Variants in DISP1 observed in about 807,000 individuals in gnomAD.
The protein encoded by DISP1 is protein dispatched homolog 1.
DISP1 carries 30 observed loss-of-function variants against 37.3 expected under a neutral mutation model. The observed-to-expected ratio is 0.80, with a 90% CI of 0.60 to 1.09. The LOEUF (loss-of-function observed/expected upper bound fraction) is 1.09. Among genes scored for constraint, DISP1 ranks in the 50% least tolerant of loss-of-function variants. The pLI is 0.00. For synonymous variants in DISP1, 634 were observed against 690.2 expected (o/e 0.92, Z 1.28); for missense variants, 1,598 against 1,879.5 (o/e 0.85, Z 2.77).
chr1:222,911,251 A>G (rs1407439513), intron 1 of DISP1, among the ~76,000 whole-genome samples: 1 of 152,196 alleles, frequency 6.6e-6, no homozygotes, highest in Non-Finnish European at 1.5e-5. Flanking sequence ...ATGAAGGCCA[A>G]TTAGATATTA....
At chr1:222,823,551 A>G (rs1202777835) in intron 1 of DISP1, among the ~76,000 whole-genome samples, 1 of 152,160 alleles carries the variant, frequency 6.6e-6, no homozygotes, top group African/African-American at 2.4e-5. Flanking sequence ...GGGATGAGAA[A>G]TTGTAAATGG....
At chr1:222,866,350 G>GTTA (rs1313615037) in intron 1 of DISP1, among the ~76,000 whole-genome samples, 1 of 151,728 alleles carries the variant, frequency 6.6e-6, no homozygotes, top group Non-Finnish European at 1.5e-5. Flanking sequence ...TGTTGTTGTT[G>GTTA]TTGCTGTTGT....
chr1:222,936,850 A>ATGATATATAATTTATATATCATATATG (rs1284317358), intron 2 of DISP1, among the ~76,000 whole-genome samples: 3 of 62,574 alleles, frequency 4.8e-5, no homozygotes, highest in Admixed American at 2.5e-4. Context: ...TATCATATAT[A>ATGATATATAATTTATATATCATATATG]TGATATATAA....
chr1:222,860,815 G>A (rs1208144983), intron 1 of DISP1, among the ~76,000 whole-genome samples: 1 of 152,020 alleles, frequency 6.6e-6, no homozygotes, highest in Non-Finnish European at 1.5e-5. Context: ...AGAGATTGCA[G>A]TGAGCCAAGA....
At chr1:222,859,914 G>T (rs921464559) in intron 1 of DISP1, among the ~76,000 whole-genome samples, 4 of 152,186 alleles carry the variant, frequency 2.6e-5, no homozygotes, top group Non-Finnish European at 5.9e-5. Context: ...CACATACTAG[G>T]TCTTCAGATA....
chr1:222,951,221 T>A (rs1204361068), intron 3 of DISP1, among the ~76,000 whole-genome samples: 1 of 152,222 alleles, frequency 6.6e-6, no homozygotes, highest in African/African-American at 2.4e-5. Context: ...CACCCCCATA[T>A]GTTATGACTG....
At chr1:222,948,793 T>C (rs377214066) in intron 3 of DISP1, among the ~76,000 whole-genome samples, 20 of 152,192 alleles carry the variant, frequency 1.3e-4, no homozygotes, top group African/African-American at 3.9e-4. Flanking sequence ...AGATCCTAAG[T>C]GCTATCAATT....
chr1:222,902,679 A>C (rs1671664622), intron 1 of DISP1, among the ~76,000 whole-genome samples: 1 of 152,210 alleles, frequency 6.6e-6, no homozygotes, highest in African/African-American at 2.4e-5. Flanking sequence ...ACATTTATGC[A>C]GCCAAAAAAC....
chr1:222,968,275 A>G (rs779218166), intron 3 of DISP1, among the ~76,000 whole-genome samples: 1 of 152,138 alleles, frequency 6.6e-6, no homozygotes, highest in African/African-American at 2.4e-5. Flanking sequence ...ACTCCCCTTC[A>G]GGAAATGAGG....
At chr1:222,894,558 G>C (rs1271268007) in intron 1 of DISP1, among the ~76,000 whole-genome samples, 2 of 152,234 alleles carry the variant, frequency 1.3e-5, no homozygotes, top group Non-Finnish European at 2.9e-5. Flanking sequence ...GGGAGCAGGG[G>C]GAGGCCAGGC....
At chr1:222,977,418 G>A (rs1405019725) in intron 3 of DISP1, among the ~76,000 whole-genome samples, 1 of 147,348 alleles carries the variant, frequency 6.8e-6, no homozygotes, top group Non-Finnish European at 1.5e-5. Flanking sequence ...TCTTGTCTTG[G>A]AAAGGCTTAA....
chr1:222,828,975 T>C (rs1354871343), intron 1 of DISP1, among the ~76,000 whole-genome samples: 1 of 152,142 alleles, frequency 6.6e-6, no homozygotes, highest in African/African-American at 2.4e-5. Flanking sequence ...GGGGGATGGG[T>C]AGAGGATGTT....
intron 3 of DISP1, among the ~76,000 whole-genome samples, chr1:222,966,345 T>A (rs182952402): frequency 6.6e-6 from 1 of 152,268 alleles, no homozygotes; most frequent in East Asian, 1.9e-4. Context: ...TGTAGATCAG[T>A]GAAGTTTTGT....
rs559357459 is a variant in DISP1, at chr1:222,848,955, A to G, written c.-159+33877A>G. ...CCAAAGTGCTTGATTGTACCTCACC[A>G]TATCTTTATATAATACCACAAAGAA... On this transcript the variant is annotated intron_variant, in intron 1 of 8. Coordinates refer to ENST00000675850, the MANE Select transcript of DISP1 (RefSeq NM_001377229.1). Among the ~76,000 whole-genome samples the G allele has an allele frequency of 1.9e-4, 29 of 152,214 alleles. No individual in the cohort carries two copies. In the East Asian group the frequency reaches 5.2e-3, roughly 27 times the overall value.
chr1:222,920,993 C>T (rs1192154152), intron 1 of DISP1, among the ~76,000 whole-genome samples: 1 of 152,104 alleles, frequency 6.6e-6, no homozygotes, highest in East Asian at 1.9e-4. Context: ...GACACTTTAT[C>T]ACAGAAATCA....
chr1:222,932,002 A>C (rs1673430131), intron 2 of DISP1, among the ~76,000 whole-genome samples: 2 of 151,944 alleles, frequency 1.3e-5, no homozygotes, highest in African/African-American at 4.8e-5. Context: ...CTGCAGATGA[A>C]ATCTCTTTTC....
chr1:222,942,741 A>G, intron 2 of DISP1, 66 bp from the exon 3 acceptor site: 1 of 1,575,072 alleles, frequency 6.3e-7, no homozygotes, highest in Non-Finnish European at 8.7e-7. Context: ...TAAATATCAT[A>G]CTTGTCTTTC....
intron 1 of DISP1, among the ~76,000 whole-genome samples, chr1:222,906,562 C>T (rs1482339975): frequency 6.6e-6 from 1 of 152,196 alleles, no homozygotes; most frequent in Non-Finnish European, 1.5e-5. Context: ...GGCGAAAACT[C>T]GCCAAAACCA....
chr1:223,003,977 G>A lies in DISP1; in HGVS notation c.2580G>A (p.Met860Ile). The change falls in exon 9 of 9, where the codon ATG (methionine) becomes ATA (isoleucine). Residue 860 changes from methionine (M) to isoleucine (I), a missense_variant. Coordinates refer to ENST00000675850, the MANE Select transcript of DISP1 (RefSeq NM_001377229.1). This position sits in a 1 kb window ranked among gnomAD's most constrained non-coding sequence, Gnocchi z 4.3. Reference sequence around the variant, plus strand: ...TCATTGAGACATTCAAACAGTGGATGGAAAACCAGGACTGTGATGAGCCTG... The same window carrying A: ...TCATTGAGACATTCAAACAGTGGATAGAAAACCAGGACTGTGATGAGCCTG... ...SCFIETFKQW[M>I]ENQDCDEPAL... 1 of 1,614,150 alleles carries A rather than the reference G, an allele frequency of 6.2e-7. No individual in the cohort carries two copies. The highest frequency in any genetic ancestry group is 8.5e-7 in the Non-Finnish European group (1 of 1,180,042).
Sources: gnomAD v4.1 joint callset for allele counts (sites outside exome capture counted in the v4.1 genomes callset) on GRCh38, gnomAD v4.1.1 for gene constraint, Gnocchi (gnomAD v3.1) non-coding constraint, MANE v1.5 for transcripts, NCBI Gene and HGNC (gene_info 2026-07-23, HGNC 2026-07-21) for gene names.